PTAR1: variants seen among roughly 807,000 people sequenced by gnomAD.
PTAR1 encodes protein prenyltransferase alpha subunit repeat-containing protein 1.
PTAR1 carries 17 observed loss-of-function variants against 45.5 expected under a neutral mutation model. The observed-to-expected ratio is 0.37, with a 90% CI of 0.26 to 0.56. The LOEUF is 0.56. PTAR1 is among the 20% of genes least tolerant of loss of function. The probability of loss-of-function intolerance (pLI) is 0.77; values close to 1 mark genes in which losing one functional copy is unlikely to be tolerated. For missense variants in PTAR1, 391 were observed against 476.3 expected (o/e 0.82, Z 1.67); for synonymous variants, 169 against 171.3 (o/e 0.99, Z 0.11).
At chr9:69,750,603 A>C (rs957574836) in intron 2 of PTAR1, among the ~76,000 whole-genome samples, 178 bp downstream of exon 2, 1 of 151,662 alleles carries the variant, frequency 6.6e-6, no homozygotes, top group South Asian at 2.1e-4. Flanking sequence ...TGTGGTTGTA[A>C]AATTTGTCCA....
At chr9:69,727,185 C>T (rs1438935652) in intron 5 of PTAR1, among the ~76,000 whole-genome samples, 7 of 151,980 alleles carry the variant, frequency 4.6e-5, no homozygotes, top group Non-Finnish European at 4.4e-5. Context: ...GTGGTAAGAA[C>T]ATTTAAGATA....
At chr9:69,735,202 C>G (rs536974899) in intron 3 of PTAR1, among the ~76,000 whole-genome samples, 1 of 152,240 alleles carries the variant, frequency 6.6e-6, no homozygotes, top group East Asian at 1.9e-4. Flanking sequence ...CAAGCCCAAC[C>G]AAAGCTTCAA....
At chr9:69,718,788 C>A in intron 6 of PTAR1, 104 bp from the exon 7 acceptor site, 1 of 769,204 alleles carries the variant, frequency 1.3e-6, no homozygotes. Flanking sequence ...GTATTCAATT[C>A]ACTGCCCATT....
Position 69,716,228 on chromosome 9 carries a change from A to G in PTAR1, c.*2114T>C, listed in dbSNP as rs1005600906. 3.3e-5 allele frequency: 5 copies of G among 152,094 alleles called. No individual in the cohort carries two copies. Among genetic ancestry groups the G allele is most frequent in the African/African-American group, 1.2e-4 (5 of 41,432 alleles). The allele number at this position is 152,094 out of a possible 1,614,324, so 9.4% of individuals were successfully genotyped here. On this transcript the variant is annotated 3_prime_UTR_variant, in exon 8 of 8. Coordinates refer to ENST00000340434, the MANE Select transcript of PTAR1 (RefSeq NM_001099666.2). ...TTTAGTGGAATGGGCTGAACCACCCATGTCTTCTCTGTGTAGTTTGCCCCC... is the reference window on the plus strand; with the variant it reads ...TTTAGTGGAATGGGCTGAACCACCCGTGTCTTCTCTGTGTAGTTTGCCCCC...
At chr9:69,726,350 T>C (rs1267645220) in intron 5 of PTAR1, among the ~76,000 whole-genome samples, 2 of 152,104 alleles carry the variant, frequency 1.3e-5, no homozygotes, top group African/African-American at 2.4e-5. Context: ...TTAAATATTA[T>C]TCTATAATTT....
chr9:69,741,879 A>G (rs777414012), intron 2 of PTAR1, 21 bp from the exon 3 acceptor site: 1 of 1,489,114 alleles, frequency 6.7e-7, no homozygotes, highest in Non-Finnish European at 9.2e-7. Flanking sequence ...GAGAAGTCAT[A>G]TTAAAAACAA....
intron 2 of PTAR1, among the ~76,000 whole-genome samples, chr9:69,749,267 T>C (rs1057175255): frequency 2.0e-5 from 3 of 152,158 alleles, no homozygotes; most frequent in Admixed American, 6.6e-5. Context: ...CAGTTTCTTT[T>C]CTATAAGATA....
At chr9:69,736,717 T>TAC (rs1410536922) in intron 3 of PTAR1, among the ~76,000 whole-genome samples, 3 of 152,168 alleles carry the variant, frequency 2.0e-5, no homozygotes, top group African/African-American at 7.2e-5. Context: ...GCAGTTACCC[T>TAC]ACAACTGAGT....
chr9:69,747,046 A>T (rs1448498086), intron 2 of PTAR1, among the ~76,000 whole-genome samples: 1 of 152,248 alleles, frequency 6.6e-6, no homozygotes, highest in Non-Finnish European at 1.5e-5. Flanking sequence ...TATAGTACAC[A>T]GTCACAGAAT....
Position 69,718,580 on chromosome 9 carries a change from T to A in PTAR1, c.983-12A>T. 1 of 1,613,596 alleles carries A rather than the reference T, an allele frequency of 6.2e-7. No homozygotes were observed. The highest frequency in any genetic ancestry group is 8.5e-7 in the Non-Finnish European group (1 of 1,179,666). On this transcript the variant is annotated splice_polypyrimidine_tract_variant and intron_variant, in intron 7 of 7. Coordinates refer to ENST00000340434, the MANE Select transcript of PTAR1 (RefSeq NM_001099666.2). ...CAGCTGGGAGCCTGCTGGGATAAGG[T>A]GCAAGTCACTCAAAGTCCCCCCAGG...
intron 1 of PTAR1, chr9:69,757,064 A>G (rs1237239232): frequency 1.3e-5 from 2 of 152,240 alleles, no homozygotes; most frequent in Non-Finnish European, 2.9e-5. Context: ...CTTGGGTTCA[A>G]GAACTGTATT....
Position 69,747,186 on chromosome 9 carries a change from A to G in PTAR1, c.256+3595T>C, listed in dbSNP as rs566685198. Among the ~76,000 whole-genome samples the G allele has an allele frequency of 2.6e-5, 4 of 152,248 alleles. No homozygotes were observed. The South Asian group carries it at 8.5e-4, about 32-fold the overall frequency. On this transcript the variant is annotated intron_variant, in intron 2 of 7. Transcript: ENST00000340434. ...CAATCCCTTTTCCTAATAAACTCAC[A>G]TTCCAGCCAGGAAAAAGGTTGTTTA...
chr9:69,732,272 G>A lies in PTAR1; in HGVS notation c.509C>T (p.Thr170Ile), dbSNP rs1172878576. The A allele has an allele frequency of 6.2e-7, 1 of 1,613,836 alleles. No individual in the cohort carries two copies. The highest frequency in any genetic ancestry group is 8.5e-7 in the Non-Finnish European group (1 of 1,179,774). The change falls in exon 5 of 8, where the codon ACA becomes ATA. Residue 170 changes from threonine to isoleucine, a missense_variant. Thr to Ile is a moderately conservative substitution (Grantham distance 89, BLOSUM62 -1). Coordinates refer to ENST00000340434, the MANE Select transcript of PTAR1 (RefSeq NM_001099666.2). ...TTGTATGAGTCGCTGTGCCCTTTCT[G>A]TGGGAATTGTTCCCAAGTTTCCTTT... ...VTKGNLGTIP[T>I]ERAQRLIQEE...
intron 1 of PTAR1, 63 bp downstream of exon 1, chr9:69,759,790 C>CGCTTGGGGA: frequency 6.7e-7 from 1 of 1,482,476 alleles, no homozygotes; most frequent in South Asian, 1.3e-5. Flanking sequence ...GTCGGGTGGA[C>CGCTTGGGGA]GCTTGGCCCC....
rs758080780 is a variant in PTAR1, at chr9:69,710,183, T to A, written c.*8159A>T. The A allele has an allele frequency of 6.6e-6, 1 of 152,150 alleles. No individual in the cohort carries two copies. The highest frequency in any genetic ancestry group is 1.5e-5 in the Non-Finnish European group (1 of 68,002). 9.4% of individuals were successfully genotyped at this position (152,150 alleles called of 1,614,324 possible). Reference sequence around the variant, plus strand: ...ATAGTAGCCCTTAGCCATATGTGACTACTGAGCACTTAAAATGTGGCCAGT... The same window carrying A: ...ATAGTAGCCCTTAGCCATATGTGACAACTGAGCACTTAAAATGTGGCCAGT... On this transcript the variant is annotated 3_prime_UTR_variant, in exon 8 of 8. Transcript: ENST00000340434.
rs1228940925 is a variant in PTAR1 at position 69,711,834 on chromosome 9, T to C, written c.*6508A>G. On this transcript the variant is annotated 3_prime_UTR_variant, in exon 8 of 8. Coordinates refer to ENST00000340434, the MANE Select transcript of PTAR1 (RefSeq NM_001099666.2). ...TCATAAATCATGTCAAATGATATAA[T>C]TTCAAAATTCCACACATATATTACT... The C allele has an allele frequency of 1.3e-5, 2 of 152,162 alleles. No individual in the cohort carries two copies. Among genetic ancestry groups the C allele is most frequent in the Non-Finnish European group, 2.9e-5 (2 of 68,036 alleles). 9.4% of individuals were successfully genotyped at this position (152,162 alleles called of 1,614,324 possible).
rs1450045320 is a variant in PTAR1, at chr9:69,713,826, A to C, written c.*4516T>G. On this transcript the variant is annotated 3_prime_UTR_variant, in exon 8 of 8. Coordinates refer to ENST00000340434, the MANE Select transcript of PTAR1 (RefSeq NM_001099666.2). ...GCTTAAAATGATAACTAATGGAATA[A>C]TCAAAGCATCCTGCCTGCTTATATC... is the stretch of plus-strand genomic sequence containing the variant. 6.6e-6 allele frequency: 1 copy of C among 152,146 alleles called. No homozygotes were observed. Among genetic ancestry groups the C allele is most frequent in the Non-Finnish European group, 1.5e-5 (1 of 68,006 alleles). 9.4% of individuals were successfully genotyped at this position (152,146 alleles called of 1,614,324 possible). A position where few individuals can be genotyped will look rare whatever the true frequency, so the allele number is the denominator to read the frequency against.
rs1825388604 is a variant in PTAR1 at position 69,728,528 on chromosome 9, T to TG, written c.642+3610dup. 3.3e-5 allele frequency among the ~76,000 whole-genome samples: 5 copies of TG among 152,330 alleles called. No individual in the cohort carries two copies. In the South Asian group the frequency reaches 1.0e-3, roughly 32 times the overall value. On this transcript the variant is annotated intron_variant, in intron 5 of 7. Transcript: ENST00000340434. ...TTATTGTCCGTATTTTGGTGTGAAG[T>TG]GGTATCTCACTCCCTGTGGTTTTGC...
chr9:69,711,853 T>C lies in PTAR1; in HGVS notation c.*6489A>G, dbSNP rs939626745. 6.6e-5 allele frequency: 10 copies of C among 152,158 alleles called. No individual in the cohort carries two copies. The highest frequency in any genetic ancestry group is 1.0e-4 in the Non-Finnish European group (7 of 68,028). 9.4% of individuals were successfully genotyped at this position (152,158 alleles called of 1,614,324 possible). On this transcript the variant is annotated 3_prime_UTR_variant, in exon 8 of 8. Coordinates refer to ENST00000340434, the MANE Select transcript of PTAR1 (RefSeq NM_001099666.2). ...ATATAATTTCAAAATTCCACACATA[T>C]ATTACTCTACAAATATACTCCTTGG...
Sources: gnomAD v4.1 joint callset for allele counts (sites outside exome capture counted in the v4.1 genomes callset) on GRCh38, gnomAD v4.1.1 for gene constraint, MANE v1.5 for transcripts, NCBI Gene and HGNC (gene_info 2026-07-23, HGNC 2026-07-21) for gene names.